PTPRG: variants seen among roughly 807,000 people sequenced by gnomAD.
PTPRG encodes protein tyrosine phosphatase receptor type G.
A neutral mutation model predicts 165.3 loss-of-function variants in PTPRG; 102 were observed. That is an observed-to-expected ratio of 0.62 (90% CI 0.53 to 0.73). The LOEUF (loss-of-function observed/expected upper bound fraction) is 0.73, where lower values mean the gene tolerates loss of function less well. Ranked by LOEUF, PTPRG falls within the 30% of genes least tolerant of loss-of-function variation. The pLI is 0.00. For synonymous variants in PTPRG, 675 were observed against 669.5 expected (o/e 1.01, Z -0.13); for missense variants, 1,866 against 1,861.4 (o/e 1.00, Z -0.05).
intron 4 of PTPRG, among the ~76,000 whole-genome samples, chr3:62,060,435 A>G (rs892818245): frequency 1.3e-5 from 2 of 152,106 alleles, no homozygotes; most frequent in African/African-American, 4.8e-5. Context: ...ACCAGATGAG[A>G]TTGCACAAGG....
chr3:61,703,100 G>A (rs1490473740), intron 1 of PTPRG, among the ~76,000 whole-genome samples: 1 of 151,900 alleles, frequency 6.6e-6, no homozygotes, highest in Non-Finnish European at 1.5e-5. Context: ...CTCTGCTGCT[G>A]CCTGTAATTT....
In PTPRG at chr3:61,836,072, AAT is replaced by A. The variant is rs1553679116; in HGVS notation, c.190+87104_190+87105del. 5.5e-3 allele frequency among the ~76,000 whole-genome samples: 767 copies of A among 138,634 alleles called. 5 individuals are homozygous for A. The highest frequency in any genetic ancestry group is 9.2e-3 in the Non-Finnish European group (599 of 64,792). The allele number at this position is 138,634 out of a possible 152,430, so 90.9% of individuals were successfully genotyped here. A position where few individuals can be genotyped will look rare whatever the true frequency, so the allele number is the denominator to read the frequency against. ...CGCGCCCCCCCCCACCAAAAAAAAA[AAT>A]ATATATATATATACACACACACACA... On this transcript the variant is annotated intron_variant, in intron 2 of 29. Coordinates refer to ENST00000474889, the MANE Select transcript of PTPRG (RefSeq NM_002841.4).
chr3:62,074,344 TTTTC>T (rs1250648569), intron 4 of PTPRG, among the ~76,000 whole-genome samples: 69 of 124,270 alleles, frequency 5.6e-4, no homozygotes, highest in Admixed American at 6.1e-4. Flanking sequence ...CTTTCTTTTC[TTTTC>T]TTTCTTTTTT....
chr3:61,900,731 C>G (rs943882530), intron 2 of PTPRG, among the ~76,000 whole-genome samples: 2 of 152,078 alleles, frequency 1.3e-5, no homozygotes, highest in Admixed American at 6.5e-5. Context: ...AGTTAGAGGA[C>G]AGAGTCCATG....
chr3:61,948,010 G>A lies in PTPRG; in HGVS notation c.191-41615G>A, dbSNP rs143085730. Among the ~76,000 whole-genome samples the A allele has an allele frequency of 1.9e-4, 29 of 152,190 alleles. No homozygotes were observed. In the East Asian group the frequency reaches 4.8e-3, roughly 25 times the overall value. On this transcript the variant is annotated intron_variant, in intron 2 of 29. Transcript: ENST00000474889. ...GGTGCTGGCCAGGCACGGAAAACAC[G>A]TATCCCATAGGAAATCAAGAAGGAA...
intron 2 of PTPRG, among the ~76,000 whole-genome samples, chr3:61,768,406 A>C (rs928618531): frequency 6.6e-6 from 1 of 152,208 alleles, no homozygotes; most frequent in Non-Finnish European, 1.5e-5. Flanking sequence ...GTTTCTCTGC[A>C]CAAAAAGAAT....
chr3:61,649,383 T>G (rs937211352), intron 1 of PTPRG, among the ~76,000 whole-genome samples: 2 of 152,082 alleles, frequency 1.3e-5, no homozygotes, highest in African/African-American at 4.8e-5. Flanking sequence ...AGTCCAAGAT[T>G]TAGGTGCCAG....
At chr3:62,124,564 C>G (rs1703214083) in intron 5 of PTPRG, 2 of 1,373,062 alleles carry the variant, frequency 1.5e-6, no homozygotes, top group Non-Finnish European at 1.0e-6. Flanking sequence ...GGTGGTCCAA[C>G]AGGCTGTTTT....
chr3:61,852,595 T>C (rs2036994485), intron 2 of PTPRG, among the ~76,000 whole-genome samples: 3 of 152,236 alleles, frequency 2.0e-5, no homozygotes, highest in South Asian at 2.1e-4. Context: ...CTTACGAACA[T>C]GGAAGCTGAG....
intron 1 of PTPRG, among the ~76,000 whole-genome samples, chr3:61,565,947 T>C (rs908224204): frequency 1.3e-5 from 2 of 152,112 alleles, no homozygotes; most frequent in Admixed American, 6.6e-5. Flanking sequence ...AGGTTTTTTT[T>C]CCCTCTCCCT....
intron 1 of PTPRG, among the ~76,000 whole-genome samples, chr3:61,691,657 A>G (rs1022612727): frequency 7.9e-5 from 12 of 152,240 alleles, no homozygotes; most frequent in Admixed American, 7.9e-4. Context: ...GATCTCATAC[A>G]ATGAGAAATA....
At position 61,908,048 on chromosome 3, in the gene PTPRG, G is replaced by A. The variant is rs183181138; in HGVS notation, c.191-81577G>A. ...AGGCAAGAGGATGGCTTGAGCCCAAGAGTTCGAGGCTATAGTGAGTTATGA... is the reference window on the plus strand; with the variant it reads ...AGGCAAGAGGATGGCTTGAGCCCAAAAGTTCGAGGCTATAGTGAGTTATGA... On this transcript the variant is annotated intron_variant, in intron 2 of 29. Transcript: ENST00000474889. 9.1e-5 allele frequency among the ~76,000 whole-genome samples: 13 copies of A among 143,576 alleles called. No individual in the cohort carries two copies. The East Asian group carries it at 2.6e-3, about 29-fold the overall frequency. 94.2% of individuals were successfully genotyped at this position (143,576 alleles called of 152,430 possible). A position where few individuals can be genotyped will look rare whatever the true frequency, so the allele number is the denominator to read the frequency against.
At chr3:61,839,290 T>G (rs574745724) in intron 2 of PTPRG, among the ~76,000 whole-genome samples, 1 of 152,334 alleles carries the variant, frequency 6.6e-6, no homozygotes, top group East Asian at 1.9e-4. Context: ...TTCGGTAGAT[T>G]AGAGTTTGGC....
At chr3:61,775,219 T>A (rs1254003530) in intron 2 of PTPRG, among the ~76,000 whole-genome samples, 1 of 152,120 alleles carries the variant, frequency 6.6e-6, no homozygotes, top group African/African-American at 2.4e-5. Context: ...TACAGGCATT[T>A]GCCACCACAC....
chr3:62,264,899 G>C (rs747568882), intron 17 of PTPRG, among the ~76,000 whole-genome samples: 1 of 150,050 alleles, frequency 6.7e-6, no homozygotes, highest in African/African-American at 2.5e-5. Flanking sequence ...TTCATTTTAC[G>C]TTCCCACCAA....
chr3:62,105,633 G>A (rs1702448524), intron 5 of PTPRG, among the ~76,000 whole-genome samples: 1 of 152,208 alleles, frequency 6.6e-6, no homozygotes, highest in Non-Finnish European at 1.5e-5. Context: ...AATTGCCTCT[G>A]GGTGCGTAAG....
intron 2 of PTPRG, among the ~76,000 whole-genome samples, chr3:61,944,623 T>C (rs2039711422): frequency 6.6e-6 from 1 of 152,184 alleles, no homozygotes; most frequent in Non-Finnish European, 1.5e-5. Flanking sequence ...TTCGAGATCG[T>C]TGGATTCATT....
chr3:61,942,154 TC>T (rs1305260848), intron 2 of PTPRG, among the ~76,000 whole-genome samples: 1 of 132,714 alleles, frequency 7.5e-6, no homozygotes, highest in Admixed American at 7.6e-5. Flanking sequence ...CGAGACTCTG[TC>T]TAAAAAAAAA....
At chr3:61,610,175 A>T (rs919873232) in intron 1 of PTPRG, among the ~76,000 whole-genome samples, 8 of 151,674 alleles carry the variant, frequency 5.3e-5, no homozygotes, top group African/African-American at 1.9e-4. Context: ...GAGAGCAATT[A>T]TAGTACAACT....
Sources: gnomAD v4.1 joint callset for allele counts (sites outside exome capture counted in the v4.1 genomes callset) on GRCh38, gnomAD v4.1.1 for gene constraint, MANE v1.5 for transcripts, NCBI Gene and HGNC (gene_info 2026-07-23, HGNC 2026-07-21) for gene names.